The following TRIM28 variants were observed in gnomAD, a reference collection of about 807,000 sequenced individuals.
The protein encoded by TRIM28 is transcription intermediary factor 1-beta.
Under a neutral mutation model 87.4 loss-of-function variants are expected in TRIM28, and 8 were observed. The ratio of observed to expected loss-of-function variants is 0.09; its 90% CI spans 0.05 to 0.17. The LOEUF (loss-of-function observed/expected upper bound fraction) is 0.17. TRIM28 is among the 10% of genes least tolerant of loss of function. The pLI, the probability that TRIM28 is intolerant of heterozygous loss-of-function variation, is 1.00. For synonymous variants in TRIM28, 601 were observed against 454.3 expected (o/e 1.32, Z -4.11); for missense variants, 968 against 1,131.8 (o/e 0.86, Z 2.08).
intron 3 of TRIM28, 115 bp downstream of exon 3, chr19:58,546,011 C>G: frequency 2.3e-6 from 3 of 1,310,206 alleles, no homozygotes; most frequent in Non-Finnish European, 3.0e-6. Context: ...GGGGGTGCCG[C>G]CCGAAGGGCC....
chr19:58,545,994 T>G, intron 3 of TRIM28, 98 bp downstream of exon 3: 1 of 1,427,586 alleles, frequency 7.0e-7, no homozygotes, highest in South Asian at 1.5e-5. Flanking sequence ...GGTCCTAGAG[T>G]TCTCTAGGGG....
Position 58,548,552 on chromosome 19 carries a change from C to T in TRIM28, c.1283C>T (p.Ala428Val), listed in dbSNP as rs1388103274. 1 of 1,613,884 alleles carries T rather than the reference C, an allele frequency of 6.2e-7. No homozygotes were observed. Among genetic ancestry groups the T allele is most frequent in the Non-Finnish European group, 8.5e-7 (1 of 1,179,984 alleles). Residue 428 changes from alanine to valine, a missense_variant, in exon 9 of 17, where the codon GCC (alanine) becomes GTC (valine). Physicochemically the swap from Ala to Val is moderately conservative, Grantham distance 64. Coordinates refer to ENST00000253024, the MANE Select transcript of TRIM28 (RefSeq NM_005762.3). Reference sequence around the variant, plus strand: ...CCTGCACCCATGGCCCCTCCAAGAGCCCCAGGGCCCCTGAGCAAGCAGGGC... The same window carrying T: ...CCTGCACCCATGGCCCCTCCAAGAGTCCCAGGGCCCCTGAGCAAGCAGGGC... The part of the protein sequence containing the change: ...TGPAPMAPPR[A>V]PGPLSKQGSG...
rs772697251 is a variant in TRIM28 at position 58,545,541 on chromosome 19, C to T, written c.453+4C>T. 1.9e-6 allele frequency: 3 copies of T among 1,603,810 alleles called. No individual in the cohort carries two copies. The highest frequency in any genetic ancestry group is 2.6e-6 in the Non-Finnish European group (3 of 1,172,720). On this transcript the variant is annotated splice_donor_region_variant and intron_variant, in intron 2 of 16. Transcript: ENST00000253024. ...CGACGCCCAGGATGCGAACCAGGTG[C>T]GTCCTATCTCAGCAACCACAAGGAG...
At chr19:58,550,312 G>A in intron 16 of TRIM28, 28 bp downstream of exon 16, 4 of 1,613,776 alleles carry the variant, frequency 2.5e-6, no homozygotes, top group Non-Finnish European at 3.4e-6. Context: ...AGAGGCTGTG[G>A]GCAGGGGGAG....
At position 58,547,775 on chromosome 19, in the gene TRIM28, C is replaced by T. The variant is rs769564940; in HGVS notation, c.840-17C>T. ...GGCAGCAAGACCCTACCTAGCCTGACCTGCTGTGTCCCCTAGAATCCGCCA... is the reference window on the plus strand; with the variant it reads ...GGCAGCAAGACCCTACCTAGCCTGATCTGCTGTGTCCCCTAGAATCCGCCA... On this transcript the variant is annotated splice_polypyrimidine_tract_variant and intron_variant, in intron 5 of 16. Transcript: ENST00000253024. The T allele has an allele frequency of 3.7e-6, 6 of 1,613,902 alleles. No homozygotes were observed. Among genetic ancestry groups the T allele is most frequent in the African/African-American group, 1.3e-5 (1 of 74,916 alleles).
At position 58,549,177 on chromosome 19, in the gene TRIM28, G is replaced by T. The variant is rs756794672; in HGVS notation, c.1599G>T (p.Gln533His). The T allele has an allele frequency of 6.2e-7, 1 of 1,613,338 alleles. No individual in the cohort carries two copies. Among genetic ancestry groups the T allele is most frequent in the Non-Finnish European group, 8.5e-7 (1 of 1,179,874 alleles). The change falls in exon 12 of 17, where the codon CAG becomes CAT. Residue 533 changes from glutamine (Q) to histidine (H), a missense_variant. This residue lies in a region of TRIM28 where 164 missense variants were observed against 146.2 expected (regional missense o/e 1.12). Transcript: ENST00000253024. The surrounding 1 kb of genome is among the most constrained non-coding windows in gnomAD (Gnocchi z 4.4). ...GCGCTGCCGCTGCAGCTACCGGCCAGCCAGGGACTGCGCCTGCAGGAACCC... is the reference window on the plus strand; with the variant it reads ...GCGCTGCCGCTGCAGCTACCGGCCATCCAGGGACTGCGCCTGCAGGAACCC... ...ERGAAAAATG[Q>H]PGTAPAGTPG...
Position 58,549,972 on chromosome 19 carries a change from C to T in TRIM28, c.2130C>T (p.Ala710=), listed in dbSNP as rs1381837903. The T allele has an allele frequency of 1.9e-6, 3 of 1,613,904 alleles. No individual in the cohort carries two copies. Among genetic ancestry groups the T allele is most frequent in the East Asian group, 2.2e-5 (1 of 44,870 alleles). The change falls in exon 15 of 17, where the codon GCC becomes GCT. Residue 710 remains alanine, a synonymous_variant. Transcript: ENST00000253024. The surrounding 1 kb of genome is among the most constrained non-coding windows in gnomAD (Gnocchi z 4.4). ...AGAAATGTGAGCGTGTACTGCTGGC[C>T]CTATTCTGTCACGAACCCTGCCGCC... ...NQRKCERVLL[A]LFCHEPCRPL...
At position 58,546,244 on chromosome 19, in the gene TRIM28, G is replaced by C. The variant is rs376739980; in HGVS notation, c.586+348G>C. ...GGTGTGAAGGGCTTTCTGGGTTTGT[G>C]GTTCCCTGGCACACATCTGGTATAA... On this transcript the variant is annotated intron_variant, in intron 3 of 16. Coordinates refer to ENST00000253024, the MANE Select transcript of TRIM28 (RefSeq NM_005762.3). Among the ~76,000 whole-genome samples the C allele has an allele frequency of 3.2e-4, 49 of 152,300 alleles. 1 individual carries two copies. The South Asian group carries it at 5.4e-3, about 17-fold the overall frequency.
Position 58,544,877 on chromosome 19 carries a change from C to G in TRIM28, c.120C>G (p.Ala40=). The change falls in exon 1 of 17, where the codon GCC becomes GCG. Residue 40 remains alanine (A), a synonymous_variant. Coordinates refer to ENST00000253024, the MANE Select transcript of TRIM28 (RefSeq NM_005762.3). ...EKRSTAPSAA[A]SASASAAASS... ...GCTCCACCGCCCCTTCGGCCGCAGC[C>G]TCGGCCTCTGCCTCAGCCGCGGCGT... 7.4e-7 allele frequency: 1 copy of G among 1,346,028 alleles called. No homozygotes were observed. The highest frequency in any genetic ancestry group is 1.8e-5 in the South Asian group (1 of 55,716). The allele number at this position is 1,346,028 out of a possible 1,614,324, so 83.4% of individuals were successfully genotyped here. A position where few individuals can be genotyped will look rare whatever the true frequency, so the allele number is the denominator to read the frequency against.
Position 58,544,997 on chromosome 19 carries a change from G to T in TRIM28, c.240G>T (p.Leu80=). The T allele has an allele frequency of 6.6e-7, 1 of 1,514,958 alleles. No homozygotes were observed. Among genetic ancestry groups the T allele is most frequent in the Non-Finnish European group, 8.8e-7 (1 of 1,140,554 alleles). 93.8% of individuals were successfully genotyped at this position (1,514,958 alleles called of 1,614,324 possible). A position where few individuals can be genotyped will look rare whatever the true frequency, so the allele number is the denominator to read the frequency against. Reference sequence around the variant, plus strand: ...TGCGACCCGAGAGGGAGCCCCGCCTGCTGCCCTGTTTGCACTCGGCCTGTA... The same window carrying T: ...TGCGACCCGAGAGGGAGCCCCGCCTTCTGCCCTGTTTGCACTCGGCCTGTA... ...ERLRPEREPR[L]LPCLHSACSA... The change falls in exon 1 of 17, where the codon CTG becomes CTT. Residue 80 remains leucine, a synonymous_variant. Transcript: ENST00000253024.
intron 1 of TRIM28, 124 bp from the exon 2 acceptor site, chr19:58,545,301 T>G: frequency 1.1e-6 from 1 of 942,162 alleles, no homozygotes; most frequent in Non-Finnish European, 1.6e-6. Context: ...AAAAGAAGGC[T>G]CGGGGAGGGG....
At chr19:58,546,116 C>T (rs1055745602) in intron 3 of TRIM28, among the ~76,000 whole-genome samples, 2 of 152,002 alleles carry the variant, frequency 1.3e-5, no homozygotes, top group East Asian at 1.9e-4. Context: ...ATAAGGGAGA[C>T]CTTAATGTGC....
chr19:58,545,356 A>G lies in TRIM28; in HGVS notation c.341-69A>G, dbSNP rs2053751855. On this transcript the variant is annotated intron_variant, in intron 1 of 16. Transcript: ENST00000253024. ...GATAATGGTCGGGGGCCCACCCAGC[A>G]GGGGAATGGTGGGGGCCATAACCTG... 4 of 1,276,356 alleles carry G rather than the reference A, an allele frequency of 3.1e-6. 1 individual carries two copies. Among genetic ancestry groups the G allele is most frequent in the Admixed American group, 3.9e-5 (2 of 51,016 alleles). 79.1% of individuals were successfully genotyped at this position (1,276,356 alleles called of 1,614,324 possible).
rs1483122293 is a variant in TRIM28 at position 58,550,231 on chromosome 19, G to A, written c.2278G>A (p.Glu760Lys). The A allele has an allele frequency of 6.2e-7, 1 of 1,614,098 alleles. No individual in the cohort carries two copies. Among genetic ancestry groups the A allele is most frequent in the Non-Finnish European group, 8.5e-7 (1 of 1,180,004 alleles). The change falls in exon 16 of 17, where the codon GAG becomes AAG. Residue 760 changes from glutamate to lysine, a missense_variant. Around this residue, in one of 11 missense-constraint regions of TRIM28, gnomAD observed 192 missense variants for 225.6 expected, o/e 0.85. Coordinates refer to ENST00000253024, the MANE Select transcript of TRIM28 (RefSeq NM_005762.3). ...KLSPPYSSPQ[E>K]FAQDVGRMFK... is the part of the protein sequence containing the mutation. ...GTCACCTCCCTACAGCTCCCCACAG[G>A]AGTTTGCCCAGGATGTGGGCCGCAT...
At chr19:58,545,136 C>A in intron 1 of TRIM28, 39 bp downstream of exon 1, 1 of 1,384,862 alleles carries the variant, frequency 7.2e-7, no homozygotes, top group South Asian at 1.6e-5. Context: ...TCCCCCTACT[C>A]TCTGCCTTTG....
Position 58,550,630 on chromosome 19 carries a change from T to C in TRIM28, c.*77T>C. 7.0e-7 allele frequency: 1 copy of C among 1,437,514 alleles called. No homozygotes were observed. Among genetic ancestry groups the C allele is most frequent in the Admixed American group, 2.1e-5 (1 of 47,248 alleles). The allele number at this position is 1,437,514 out of a possible 1,614,324, so 89.0% of individuals were successfully genotyped here. A position where few individuals can be genotyped will look rare whatever the true frequency, so the allele number is the denominator to read the frequency against. ...CCCCATCCCCACTCCCCTGGTGGCC[T>C]GACTCCCACTCCCTGGTGGCCCCAT... On this transcript the variant is annotated 3_prime_UTR_variant, in exon 17 of 17. Transcript: ENST00000253024.
Position 58,549,758 on chromosome 19 carries a change from C to T in TRIM28, c.2004C>T (p.Leu668=), listed in dbSNP as rs755921225. ...DVPGEEWSCS[L]CHVLPDLKEE... ...CTAGGGAGGAGTGGAGCTGCTCACT[C>T]TGCCATGTGCTCCCTGACCTGAAGG... Residue 668 remains leucine (L), a synonymous_variant, in exon 14 of 17, where the codon CTC becomes CTT. Coordinates refer to ENST00000253024, the MANE Select transcript of TRIM28 (RefSeq NM_005762.3). The surrounding 1 kb of genome is among the most constrained non-coding windows in gnomAD (Gnocchi z 4.4). 3 of 1,610,400 alleles carry T rather than the reference C, an allele frequency of 1.9e-6. No homozygotes were observed. The highest frequency in any genetic ancestry group is 1.3e-5 in the African/African-American group (1 of 74,824).
chr19:58,549,358 G>C lies in TRIM28; in HGVS notation c.1690G>C (p.Ala564Pro). 1.3e-6 allele frequency: 2 copies of C among 1,567,860 alleles called. No homozygotes were observed. The highest frequency in any genetic ancestry group is 1.7e-4 in the Middle Eastern group (1 of 5,804). The change falls in exon 13 of 17, where the codon GCC (alanine) becomes CCC (proline). Residue 564 changes from alanine (A) to proline (P), a missense_variant. Around this residue, in one of 11 missense-constraint regions of TRIM28, gnomAD observed 164 missense variants for 146.2 expected, o/e 1.12. Coordinates refer to ENST00000253024, the MANE Select transcript of TRIM28 (RefSeq NM_005762.3). This position sits in a 1 kb window ranked among gnomAD's most constrained non-coding sequence, Gnocchi z 4.4. ...KEEETEAAIGAPPTATEGPET... is the reference protein window; with the variant it reads ...KEEETEAAIGPPPTATEGPET... ...GGAGGAGACGGAGGCTGCCATTGGA[G>C]CCCCTCCTACTGCCACTGAGGGCCC...
At position 58,545,018 on chromosome 19, in the gene TRIM28, C is replaced by A; in HGVS notation, c.261C>A (p.Ala87=). The part of the protein sequence containing the change: ...EPRLLPCLHS[A]CSACLGPAAP... Reference sequence around the variant, plus strand: ...GCCTGCTGCCCTGTTTGCACTCGGCCTGTAGTGCCTGCTTAGGGCCCGCGG... The same window carrying A: ...GCCTGCTGCCCTGTTTGCACTCGGCATGTAGTGCCTGCTTAGGGCCCGCGG... The change falls in exon 1 of 17, where the codon GCC becomes GCA. Residue 87 remains alanine, a synonymous_variant. Transcript: ENST00000253024. The A allele has an allele frequency of 6.7e-7, 1 of 1,497,348 alleles. No individual in the cohort carries two copies. Among genetic ancestry groups the A allele is most frequent in the Non-Finnish European group, 8.8e-7 (1 of 1,135,050 alleles). The allele number at this position is 1,497,348 out of a possible 1,614,324, so 92.8% of individuals were successfully genotyped here.
Sources: gnomAD v4.1 joint callset for allele counts (sites outside exome capture counted in the v4.1 genomes callset) on GRCh38, gnomAD v4.1.1 for gene constraint, gnomAD v4.1.1 regional missense constraint, Gnocchi (gnomAD v3.1) non-coding constraint, MANE v1.5 for transcripts, NCBI Gene and HGNC (gene_info 2026-07-23, HGNC 2026-07-21) for gene names.